Variants in GIGYF2 observed in about 807,000 individuals in gnomAD.
GIGYF2 encodes the protein GRB10 interacting GYF protein 2.
Under a neutral mutation model 208.1 loss-of-function variants are expected in GIGYF2, and 25 were observed. The observed-to-expected ratio is 0.12, with a 90% CI of 0.09 to 0.17. The LOEUF (loss-of-function observed/expected upper bound fraction) is 0.17. GIGYF2 is among the 10% of genes least tolerant of loss of function. The pLI, the probability that GIGYF2 is intolerant of heterozygous loss-of-function variation, is 1.00. For synonymous variants in GIGYF2, 534 were observed against 543.8 expected, an observed-to-expected ratio of 0.98 and a Z score of 0.25; for missense variants, 1,302 against 1,579.4, an observed-to-expected ratio of 0.82 and a Z score of 2.98.
intron 2 of GIGYF2, among the ~76,000 whole-genome samples, chr2:232,705,081 G>A (rs987541696): frequency 3.3e-5 from 5 of 150,444 alleles, no homozygotes; most frequent in Admixed American, 1.3e-4. Context: ...GGATGGTCTC[G>A]ATCTCCTGAC....
Position 232,819,962 on chromosome 2 carries a change from C to A in GIGYF2, c.2506C>A (p.Gln836Lys). 1 of 1,610,562 alleles carries A rather than the reference C, an allele frequency of 6.2e-7. No homozygotes were observed. Among genetic ancestry groups the A allele is most frequent in the Non-Finnish European group, 8.5e-7 (1 of 1,176,856 alleles). ...AAGAGAAGAGGAAGAAAGGCGGAAG[C>A]AGGAAGAATTGTTACGCAAACAGGT... ...RRREEEERRK[Q>K]EELLRKQEEE... is the part of the protein sequence containing the mutation. The change falls in exon 21 of 29, where the codon CAG becomes AAG. Residue 836 changes from glutamine (Q) to lysine (K), a missense_variant. Gln to Lys is a moderately conservative substitution (Grantham distance 53). Around this residue, in one of 8 missense-constraint regions of GIGYF2, gnomAD observed 701 missense variants for 793.0 expected, o/e 0.88. Coordinates refer to ENST00000373563, the MANE Select transcript of GIGYF2 (RefSeq NM_001103146.3).
Position 232,811,357 on chromosome 2 carries a change from TG to T in GIGYF2, c.2006+8del, listed in dbSNP as rs1559449791. Reference sequence around the variant, plus strand: ...TTTCAGACCTTGAAGATGAGGTTGGTGGTCATTCCATTATGTGTCATATGGG... The same window carrying T: ...TTTCAGACCTTGAAGATGAGGTTGGTGTCATTCCATTATGTGTCATATGGG... On this transcript the variant is annotated splice_region_variant and intron_variant, in intron 17 of 28. Coordinates refer to ENST00000373563, the MANE Select transcript of GIGYF2 (RefSeq NM_001103146.3). The T allele has an allele frequency of 1.3e-6, 2 of 1,486,678 alleles. No individual in the cohort carries two copies. Among genetic ancestry groups the T allele is most frequent in the South Asian group, 2.3e-5 (2 of 88,572 alleles). 92.1% of individuals were successfully genotyped at this position (1,486,678 alleles called of 1,614,324 possible). A position where few individuals can be genotyped will look rare whatever the true frequency, so the allele number is the denominator to read the frequency against.
intron 8 of GIGYF2, among the ~76,000 whole-genome samples, chr2:232,786,584 A>G (rs936928614): frequency 6.6e-6 from 1 of 152,222 alleles, no homozygotes; most frequent in Admixed American, 6.5e-5. Context: ...CCTGAAATGT[A>G]CAGATATCAT....
intron 6 of GIGYF2, chr2:232,760,276 C>T: frequency 1.9e-6 from 1 of 537,310 alleles, no homozygotes; most frequent in Non-Finnish European, 3.3e-6. Context: ...GTTTTTTTAA[C>T]TTGTTTCTTT....
At chr2:232,856,622 G>A (rs1319786739) in intron 28 of GIGYF2, among the ~76,000 whole-genome samples, 171 bp from the exon 29 acceptor site, 1 of 152,160 alleles carries the variant, frequency 6.6e-6, no homozygotes, top group East Asian at 1.9e-4. Flanking sequence ...AACCCAGGAG[G>A]TGGAGCTTGC....
At chr2:232,852,930 A>G (rs57513852) in intron 28 of GIGYF2, among the ~76,000 whole-genome samples, 11,445 of 152,162 alleles carry the variant, frequency 0.075, 544 homozygotes, top group East Asian at 0.17. Flanking sequence ...AAACCTCACT[A>G]TAAGGGTGTG....
chr2:232,713,476 A>G (rs888178224), intron 2 of GIGYF2, among the ~76,000 whole-genome samples: 5 of 152,256 alleles, frequency 3.3e-5, no homozygotes, highest in Admixed American at 3.3e-4. Flanking sequence ...GCGGAATTCC[A>G]GTTATTAACA....
At chr2:232,814,572 C>G (rs1407829323) in intron 18 of GIGYF2, among the ~76,000 whole-genome samples, 1 of 132,162 alleles carries the variant, frequency 7.6e-6, no homozygotes, top group Non-Finnish European at 1.7e-5. Context: ...CAAACCCCCC[C>G]CCCCCAAAAA....
rs60972218 is a variant in GIGYF2 at position 232,770,608 on chromosome 2, A to AT, written c.532+9184dup. 2.6e-3 allele frequency among the ~76,000 whole-genome samples: 392 copies of AT among 149,958 alleles called. 1 individual carries two copies. Among genetic ancestry groups the AT allele is most frequent in the African/African-American group, 8.4e-3 (342 of 40,914 alleles). ...AAACCTCCTTTTAAACCTTTTGTTA[A>AT]TTTTTTTTTTTTGATATGGGATATT... On this transcript the variant is annotated intron_variant, in intron 8 of 28. Coordinates refer to ENST00000373563, the MANE Select transcript of GIGYF2 (RefSeq NM_001103146.3).
At chr2:232,727,697 T>G (rs1697267866) in intron 2 of GIGYF2, among the ~76,000 whole-genome samples, 1 of 152,176 alleles carries the variant, frequency 6.6e-6, no homozygotes, top group African/African-American at 2.4e-5. Context: ...GCCTGTACAG[T>G]GATTGCTGAG....
chr2:232,784,967 G>C (rs1193934283), intron 8 of GIGYF2, among the ~76,000 whole-genome samples: 1 of 151,984 alleles, frequency 6.6e-6, no homozygotes, highest in East Asian at 1.9e-4. Context: ...TGACATACTT[G>C]CTCTCACTTC....
chr2:232,706,649 G>A (rs1427417318), intron 2 of GIGYF2, among the ~76,000 whole-genome samples: 2 of 151,972 alleles, frequency 1.3e-5, no homozygotes, highest in South Asian at 2.1e-4. Flanking sequence ...GTGGTGGCAC[G>A]TGCCTGTAGT....
chr2:232,720,139 C>T (rs1445132591), intron 2 of GIGYF2, among the ~76,000 whole-genome samples: 1 of 152,174 alleles, frequency 6.6e-6, no homozygotes, highest in East Asian at 1.9e-4. Context: ...GTTCCCCACC[C>T]TGTGTCCAAG....
chr2:232,739,217 G>A (rs760729366), intron 3 of GIGYF2, among the ~76,000 whole-genome samples: 18 of 151,892 alleles, frequency 1.2e-4, no homozygotes, highest in Non-Finnish European at 2.2e-4. Context: ...AGTTAGCCGG[G>A]CGTGGTGGAT....
At chr2:232,764,881 A>T (rs1424137840) in intron 8 of GIGYF2, among the ~76,000 whole-genome samples, 1 of 152,194 alleles carries the variant, frequency 6.6e-6, no homozygotes. Flanking sequence ...TATTAATCCA[A>T]TGAGGGTAAT....
intron 5 of GIGYF2, among the ~76,000 whole-genome samples, chr2:232,754,760 C>A (rs759230535): frequency 6.6e-6 from 1 of 151,856 alleles, no homozygotes; most frequent in Admixed American, 6.6e-5. Context: ...TTATTAAGTA[C>A]ATTTTATTAT....
At chr2:232,702,600 T>G (rs1288607956) in intron 1 of GIGYF2, among the ~76,000 whole-genome samples, 1 of 152,182 alleles carries the variant, frequency 6.6e-6, no homozygotes, top group Non-Finnish European at 1.5e-5. Flanking sequence ...TATACTTCAA[T>G]TCACTCTTGT....
chr2:232,782,018 A>T (rs283483), intron 8 of GIGYF2, among the ~76,000 whole-genome samples: 146,278 of 152,264 alleles, frequency 0.96, 70,328 homozygotes, highest in East Asian at 1. Flanking sequence ...CCAACTGAAT[A>T]AGGTTATTTA....
chr2:232,755,354 A>G (rs1158314563), intron 5 of GIGYF2, among the ~76,000 whole-genome samples: 1 of 152,064 alleles, frequency 6.6e-6, no homozygotes, highest in Non-Finnish European at 1.5e-5. Flanking sequence ...TATTTTCAGT[A>G]GAGACAGGGT....
Sources: gnomAD v4.1 joint callset for allele counts (sites outside exome capture counted in the v4.1 genomes callset) on GRCh38, gnomAD v4.1.1 for gene constraint, gnomAD v4.1.1 regional missense constraint, MANE v1.5 for transcripts, NCBI Gene and HGNC (gene_info 2026-07-23, HGNC 2026-07-21) for gene names.